Variants in PRKCB observed in about 807,000 individuals in gnomAD.
PRKCB encodes protein kinase C beta type.
In PRKCB, 13 loss-of-function variants were observed where a neutral mutation model predicts 81.5. The ratio of observed to expected loss-of-function variants is 0.16; its 90% CI spans 0.10 to 0.25. PRKCB has a LOEUF of 0.25. Ranked by LOEUF, PRKCB falls within the 10% of genes least tolerant of loss-of-function variation. The pLI, the probability that PRKCB is intolerant of heterozygous loss-of-function variation, is 1.00. For synonymous variants in PRKCB, 335 were observed against 321.4 expected (o/e 1.04, Z -0.45); for missense variants, 509 against 875.7 (o/e 0.58, Z 5.29).
At chr16:24,158,784 T>G (rs1294804960) in intron 10 of PRKCB, among the ~76,000 whole-genome samples, 1 of 151,876 alleles carries the variant, frequency 6.6e-6, no homozygotes, top group African/African-American at 2.4e-5. Context: ...TCGGCCTCCC[T>G]AGTAGCTAGG....
chr16:23,902,020 G>A (rs1313670046), intron 2 of PRKCB, among the ~76,000 whole-genome samples: 1 of 152,116 alleles, frequency 6.6e-6, no homozygotes, highest in African/African-American at 2.4e-5. Context: ...AAAACTTGAT[G>A]GCAGTTGTAG....
At chr16:24,001,483 C>T (rs575852953) in intron 3 of PRKCB, among the ~76,000 whole-genome samples, 1 of 152,048 alleles carries the variant, frequency 6.6e-6, no homozygotes, top group Admixed American at 6.6e-5. Context: ...TTTGATAAAA[C>T]AGAAATGAAA....
intron 2 of PRKCB, among the ~76,000 whole-genome samples, chr16:23,918,377 C>CTTTT (rs113611996): frequency 1.3e-5 from 2 of 150,370 alleles, no homozygotes; most frequent in African/African-American, 4.9e-5. Context: ...TTTGTGTTAC[C>CTTTT]TTTTTATTAT....
intron 8 of PRKCB, among the ~76,000 whole-genome samples, chr16:24,123,376 G>T (rs998007047): frequency 5.3e-5 from 8 of 152,126 alleles, no homozygotes; most frequent in Admixed American, 3.3e-4. Context: ...GCCAGGTAGG[G>T]CCTAAACACA....
intron 2 of PRKCB, among the ~76,000 whole-genome samples, chr16:23,862,340 A>C (rs1435123351): frequency 6.6e-6 from 1 of 152,166 alleles, no homozygotes; most frequent in South Asian, 2.1e-4. Context: ...GGGTTTAGAC[A>C]CAGAATTTGG....
At position 24,066,074 on chromosome 16, in the gene PRKCB, C is replaced by CGTGTGTGTGT; in HGVS notation, c.530-26717_530-26716insGTGTGTGTGT. Among the ~76,000 whole-genome samples, 4 of 73,362 alleles carry CGTGTGTGTGT rather than the reference C, an allele frequency of 5.5e-5. 1 individual carries two copies. The highest frequency in any genetic ancestry group is 2.1e-4 in the African/African-American group (4 of 18,764). The allele number at this position is 73,362 out of a possible 152,430, so 48.1% of individuals were successfully genotyped here. On this transcript the variant is annotated intron_variant, in intron 5 of 16. Transcript: ENST00000643927. ...TTTTCAGCAATGTGACTGTGATGTT[C>CGTGTGTGTGT]CTGTGTGTGTGTGTGTGTGTGTGTG...
intron 2 of PRKCB, among the ~76,000 whole-genome samples, chr16:23,933,596 T>G (rs896310921): frequency 6.6e-6 from 1 of 152,098 alleles, no homozygotes; most frequent in Non-Finnish European, 1.5e-5. Flanking sequence ...TATAGACTGG[T>G]TTGCAGAGCC....
chr16:24,128,203 T>C (rs748764176), intron 9 of PRKCB, among the ~76,000 whole-genome samples: 24 of 152,254 alleles, frequency 1.6e-4, no homozygotes, highest in East Asian at 3.9e-4. Context: ...GGTGAAACCC[T>C]GTCTCTACTA....
intron 2 of PRKCB, among the ~76,000 whole-genome samples, chr16:23,862,977 T>C (rs2141091659): frequency 6.6e-6 from 1 of 151,988 alleles, no homozygotes; most frequent in African/African-American, 2.4e-5. Context: ...GATAATAATA[T>C]TGATTATTGC....
chr16:23,846,260 A>G (rs933467800), intron 2 of PRKCB, among the ~76,000 whole-genome samples: 9 of 109,350 alleles, frequency 8.2e-5, no homozygotes, highest in African/African-American at 2.9e-4. Flanking sequence ...CTTAGTAGAT[A>G]TCTGTTGAAT....
chr16:24,214,528 C>T, intron 16 of PRKCB, 130 bp from the exon 17 acceptor site: 3 of 752,028 alleles, frequency 4.0e-6, no homozygotes, highest in Non-Finnish European at 6.5e-6. Flanking sequence ...TTGAAACAAC[C>T]TCTCTGAGTT....
chr16:24,122,390 C>T (rs1202506668), intron 8 of PRKCB, among the ~76,000 whole-genome samples: 1 of 148,620 alleles, frequency 6.7e-6, no homozygotes, highest in Non-Finnish European at 1.5e-5. Context: ...AATGTTATGA[C>T]TTAACTGATG....
rs561543922 is a variant in PRKCB, at chr16:24,089,184, A to G, written c.530-3607A>G. ...AATTATTATTCTCCAGAACAATGTT[A>G]CTTAATGTGTGTCTTATAGACTGGC... On this transcript the variant is annotated intron_variant, in intron 5 of 16. Transcript: ENST00000643927. 3.3e-5 allele frequency among the ~76,000 whole-genome samples: 5 copies of G among 152,350 alleles called. No homozygotes were observed. The East Asian group carries it at 9.6e-4, about 29-fold the overall frequency.
At chr16:23,837,269 C>A in intron 1 of PRKCB, 106 bp from the exon 2 acceptor site, 1 of 1,428,126 alleles carries the variant, frequency 7.0e-7, no homozygotes, top group Non-Finnish European at 9.9e-7. Flanking sequence ...TGGGAGTTTG[C>A]ACCTGGGGTA....
At position 24,049,156 on chromosome 16, in the gene PRKCB, GAGA is replaced by G. The variant is rs529042605; in HGVS notation, c.529+13613_529+13615del. ...CTAGGTTGTGAGAAGCAGGTGGATG[GAGA>G]AGACTTTCTCTCCAAACCTCCCTGT... On this transcript the variant is annotated intron_variant, in intron 5 of 16. Transcript: ENST00000643927. Among the ~76,000 whole-genome samples the G allele has an allele frequency of 3.7e-3, 544 of 146,136 alleles. 1 individual carries two copies. The highest frequency in any genetic ancestry group is 0.013 in the African/African-American group (502 of 39,640).
chr16:24,091,082 C>T (rs958050079), intron 5 of PRKCB, among the ~76,000 whole-genome samples: 8 of 151,824 alleles, frequency 5.3e-5, no homozygotes, highest in East Asian at 1.9e-4. Context: ...TTATGGAACA[C>T]GAGAAAAAAA....
intron 16 of PRKCB, among the ~76,000 whole-genome samples, chr16:24,192,902 G>T (rs1967815212): frequency 6.6e-6 from 1 of 152,100 alleles, no homozygotes; most frequent in Non-Finnish European, 1.5e-5. Flanking sequence ...TTGGCATTAG[G>T]AGCTCAGCCA....
intron 5 of PRKCB, among the ~76,000 whole-genome samples, chr16:24,077,190 G>A (rs1253744692): frequency 6.6e-6 from 1 of 152,152 alleles, no homozygotes; most frequent in Non-Finnish European, 1.5e-5. Context: ...ATGCACGTGT[G>A]TGTGTGTCTG....
chr16:24,172,549 A>T (rs1342078027), intron 11 of PRKCB, among the ~76,000 whole-genome samples, 188 bp downstream of exon 11: 1 of 152,120 alleles, frequency 6.6e-6, no homozygotes, highest in African/African-American at 2.4e-5. Context: ...GACACCAGCT[A>T]AGAACCTGAA....
Sources: gnomAD v4.1 joint callset for allele counts (sites outside exome capture counted in the v4.1 genomes callset) on GRCh38, gnomAD v4.1.1 for gene constraint, MANE v1.5 for transcripts, NCBI Gene and HGNC (gene_info 2026-07-23, HGNC 2026-07-21) for gene names.